The following SLFN12L variants were observed in gnomAD, a reference collection of about 807,000 sequenced individuals.
SLFN12L encodes the protein schlafen family member 12-like.
SLFN12L carries 34 observed loss-of-function variants against 34.8 expected under a neutral mutation model. The observed-to-expected ratio is 0.98, with a 90% CI of 0.74 to 1.30. The LOEUF (loss-of-function observed/expected upper bound fraction) is 1.30, where lower values mean the gene tolerates loss of function less well. Ranked by LOEUF, SLFN12L falls within the 50% of genes most tolerant of loss-of-function variation. SLFN12L has a pLI of 0.00. For missense variants in SLFN12L, 703 were observed against 696.2 expected, an observed-to-expected ratio of 1.01 and a Z score of -0.11; for synonymous variants, 259 against 247.5, an observed-to-expected ratio of 1.05 and a Z score of -0.44.
Position 35,479,787 on chromosome 17 carries a change from G to A in SLFN12L, c.495C>T (p.Ser165=), listed in dbSNP as rs571180055. 6.2e-7 allele frequency: 1 copy of A among 1,613,156 alleles called. No homozygotes were observed. The highest frequency in any genetic ancestry group is 1.3e-5 in the African/African-American group (1 of 74,990). Residue 165 remains serine (S), a synonymous_variant, in exon 3 of 5, where the codon AGC becomes AGT. Coordinates refer to ENST00000628453, the MANE Select transcript of SLFN12L (RefSeq NM_001363830.2). ...ETSGPQIATL[S]SSLYKRDVTS... is the part of the protein sequence containing the mutation. ...TTACATCTCTCTTGTACAAACTGGA[G>A]CTCAACGTGGCAATCTGCGGACCAG... is the stretch of plus-strand genomic sequence containing the variant.
At chr17:35,497,453 A>G (rs1396160292) in intron 2 of SLFN12L, among the ~76,000 whole-genome samples, 16 of 152,244 alleles carry the variant, frequency 1.1e-4, no homozygotes, top group Non-Finnish European at 7.4e-5. Context: ...AAAGCAAAAA[A>G]CAAAACAATG....
chr17:35,466,624 A>G lies in SLFN12L; in HGVS notation c.*8299T>C, dbSNP rs1195694965. 6.6e-6 allele frequency among the ~76,000 whole-genome samples: 1 copy of G among 152,192 alleles called. No individual in the cohort carries two copies. Among genetic ancestry groups the G allele is most frequent in the South Asian group, 2.1e-4 (1 of 4,830 alleles). ...ATTCTTCACTTACAAATTTTACTTA[A>G]TCTCATTGAGCTGTAACTCACAAAT... On this transcript the variant is annotated 3_prime_UTR_variant, in exon 5 of 5. Transcript: ENST00000628453.
intron 1 of SLFN12L, among the ~76,000 whole-genome samples, chr17:35,524,180 G>A (rs575829179): frequency 3.3e-5 from 5 of 152,140 alleles, no homozygotes; most frequent in Admixed American, 6.5e-5. Context: ...AGTAGGAGAT[G>A]GCATCTATTA....
At chr17:35,514,054 T>G (rs1448673931) in intron 2 of SLFN12L, among the ~76,000 whole-genome samples, 1 of 152,188 alleles carries the variant, frequency 6.6e-6, no homozygotes, top group Non-Finnish European at 1.5e-5. Flanking sequence ...ACTTTGCAGA[T>G]CAGCAAATGG....
Position 35,474,844 on chromosome 17 carries a change from T to A in SLFN12L, c.*79A>T. On this transcript the variant is annotated 3_prime_UTR_variant, in exon 5 of 5. Coordinates refer to ENST00000628453, the MANE Select transcript of SLFN12L (RefSeq NM_001363830.2). ...CTACTCGGGAGGCTGAGGCAGGGAA[T>A]TGCTTGAACCCAGGAGGCAGAGGTT... The A allele has an allele frequency of 7.2e-7, 1 of 1,384,682 alleles. No homozygotes were observed. Among genetic ancestry groups the A allele is most frequent in the Non-Finnish European group, 9.5e-7 (1 of 1,050,144 alleles). 85.8% of individuals were successfully genotyped at this position (1,384,682 alleles called of 1,614,324 possible). A position where few individuals can be genotyped will look rare whatever the true frequency, so the allele number is the denominator to read the frequency against.
intron 2 of SLFN12L, among the ~76,000 whole-genome samples, chr17:35,487,529 G>A (rs1914636650): frequency 6.6e-6 from 1 of 152,224 alleles, no homozygotes; most frequent in South Asian, 2.1e-4. Flanking sequence ...AGTGGAGCGG[G>A]ACGAATTTAT....
In SLFN12L at chr17:35,468,181, G is replaced by A. The variant is rs1320318762; in HGVS notation, c.*6742C>T. 6.6e-6 allele frequency among the ~76,000 whole-genome samples: 1 copy of A among 152,168 alleles called. No homozygotes were observed. The highest frequency in any genetic ancestry group is 1.5e-5 in the Non-Finnish European group (1 of 68,030). ...CTGCTTTGGCCTCTCAAAGTGCTGG[G>A]ATTACAGGCATGAGCTGCCATGCTC... On this transcript the variant is annotated 3_prime_UTR_variant, in exon 5 of 5. Transcript: ENST00000628453.
At chr17:35,524,535 G>A (rs1163364149) in intron 1 of SLFN12L, among the ~76,000 whole-genome samples, 1 of 152,236 alleles carries the variant, frequency 6.6e-6, no homozygotes, top group Non-Finnish European at 1.5e-5. Context: ...AGAACAGGCA[G>A]CAATCTTTGC....
intron 1 of SLFN12L, among the ~76,000 whole-genome samples, chr17:35,524,640 G>C (rs60495186): frequency 0.011 from 1,610 of 152,336 alleles, 36 homozygotes; most frequent in African/African-American, 0.037. Flanking sequence ...GGGCCTGACT[G>C]TTAGAAGGAA....
rs1443740818 is a variant in SLFN12L at position 35,467,130 on chromosome 17, C to G, written c.*7793G>C. Among the ~76,000 whole-genome samples, 2 of 152,132 alleles carry G rather than the reference C, an allele frequency of 1.3e-5. No homozygotes were observed. The highest frequency in any genetic ancestry group is 2.9e-5 in the Non-Finnish European group (2 of 68,028). On this transcript the variant is annotated 3_prime_UTR_variant, in exon 5 of 5. Transcript: ENST00000628453. ...GATGCCATAGTGCTGGAGGAGGTCACCTCTCCTCCAGACCCCTTGGTTACC... is the reference window on the plus strand; with the variant it reads ...GATGCCATAGTGCTGGAGGAGGTCAGCTCTCCTCCAGACCCCTTGGTTACC...
intron 2 of SLFN12L, among the ~76,000 whole-genome samples, chr17:35,518,741 T>A (rs1031951474): frequency 6.6e-6 from 1 of 152,062 alleles, no homozygotes; most frequent in Non-Finnish European, 1.5e-5. Flanking sequence ...CACTTTTACA[T>A]TGTTGGTGGG....
chr17:35,516,936 C>A (rs1338265671), intron 2 of SLFN12L, among the ~76,000 whole-genome samples: 1 of 152,086 alleles, frequency 6.6e-6, no homozygotes, highest in East Asian at 1.9e-4. Context: ...ATTTTTCATT[C>A]TTTGTCATAC....
intron 2 of SLFN12L, among the ~76,000 whole-genome samples, chr17:35,483,273 G>A (rs539786791): frequency 6.6e-6 from 1 of 152,274 alleles, no homozygotes; most frequent in African/African-American, 2.4e-5. Context: ...TCTCCTCTGA[G>A]CTGTCCTAAC....
At chr17:35,489,546 C>G (rs1002385415) in intron 2 of SLFN12L, among the ~76,000 whole-genome samples, 1 of 151,868 alleles carries the variant, frequency 6.6e-6, no homozygotes, top group Non-Finnish European at 1.5e-5. Flanking sequence ...AGAGTGAAAC[C>G]CTGTCCGTAT....
At chr17:35,483,278 C>A (rs1914423649) in intron 2 of SLFN12L, among the ~76,000 whole-genome samples, 1 of 152,164 alleles carries the variant, frequency 6.6e-6, no homozygotes, top group Admixed American at 6.5e-5. Context: ...TCTGAGCTGT[C>A]CTAACATTTA....
chr17:35,473,693 C>T lies in SLFN12L; in HGVS notation c.*1230G>A, dbSNP rs1913846289. ...AAAATGAGTTAGGCAGGATTCTTTC[C>T]TCTTTTATTGTTTGGAATAGTTTCA... On this transcript the variant is annotated 3_prime_UTR_variant, in exon 5 of 5. Coordinates refer to ENST00000628453, the MANE Select transcript of SLFN12L (RefSeq NM_001363830.2). 1 of 152,078 alleles carries T rather than the reference C, an allele frequency of 6.6e-6. No homozygotes were observed. Among genetic ancestry groups the T allele is most frequent in the African/African-American group, 2.4e-5 (1 of 41,402 alleles). The allele number at this position is 152,078 out of a possible 1,614,324, so 9.4% of individuals were successfully genotyped here.
chr17:35,525,092 C>G (rs560234132), intron 1 of SLFN12L, among the ~76,000 whole-genome samples: 7 of 151,436 alleles, frequency 4.6e-5, no homozygotes, highest in Non-Finnish European at 1.0e-4. Context: ...ATTGATCAAG[C>G]AGAAGAAAGG....
At position 35,533,881 on chromosome 17, in the gene SLFN12L, G is replaced by C. The variant is rs568586134; in HGVS notation, c.-606+3692C>G. ...AGATCACCTGAGGTCAGGAGTTCGA[G>C]ACCAGCCTGGCCAACATAGTGAAAC... On this transcript the variant is annotated intron_variant, in intron 1 of 4. Coordinates refer to ENST00000628453, the MANE Select transcript of SLFN12L (RefSeq NM_001363830.2). Among the ~76,000 whole-genome samples, 6 of 152,060 alleles carry C rather than the reference G, an allele frequency of 3.9e-5. No homozygotes were observed. In the South Asian group the frequency reaches 1.2e-3, roughly 32 times the overall value.
Position 35,503,852 on chromosome 17 carries a change from C to T in SLFN12L, c.86+18427G>A, listed in dbSNP as rs147502590. Among the ~76,000 whole-genome samples the T allele has an allele frequency of 2.8e-3, 426 of 150,552 alleles. 2 individuals carry two copies. The highest frequency in any genetic ancestry group is 9.9e-3 in the African/African-American group (406 of 40,930). On this transcript the variant is annotated intron_variant, in intron 2 of 4. Transcript: ENST00000628453. ...CGAGCCAGCCTGAGAAGGACCCTAC[C>T]TTGTGCTGCTATCCACCGAGACTGC...
Sources: gnomAD v4.1 joint callset for allele counts (sites outside exome capture counted in the v4.1 genomes callset) on GRCh38, gnomAD v4.1.1 for gene constraint, MANE v1.5 for transcripts, NCBI Gene and HGNC (gene_info 2026-07-23, HGNC 2026-07-21) for gene names.